Variants in NHS observed in about 807,000 individuals in gnomAD.
The protein encoded by NHS is actin remodeling regulator NHS.
In NHS, 5 loss-of-function variants were observed where a neutral mutation model predicts 72.5. That is an observed-to-expected ratio of 0.07 (90% CI 0.04 to 0.14). The LOEUF (loss-of-function observed/expected upper bound fraction) is 0.14. Among genes scored for constraint, NHS ranks in the 10% least tolerant of loss-of-function variants. NHS has a pLI of 1.00. For missense variants in NHS, 1,072 were observed against 1,355.7 expected (o/e 0.79, Z 3.29); for synonymous variants, 464 against 547.7 (o/e 0.85, Z 2.13).
chrX:17,380,715 G>A (rs1255732571), intron 1 of NHS, among the ~76,000 whole-genome samples: 1 of 111,966 alleles, frequency 8.9e-6, no homozygotes, highest in African/African-American at 3.3e-5. Flanking sequence ...GGCTGGAAGG[G>A]AATACAGTAT....
At chrX:17,546,667 C>T (rs1046522628) in intron 1 of NHS, among the ~76,000 whole-genome samples, 1 of 112,294 alleles carries the variant, frequency 8.9e-6, no homozygotes, top group Non-Finnish European at 1.9e-5. Flanking sequence ...ACACATGGCA[C>T]ACACATGCAC....
At chrX:17,411,164 A>G (rs1176860939) in intron 1 of NHS, among the ~76,000 whole-genome samples, 1 of 112,510 alleles carries the variant, frequency 8.9e-6, no homozygotes, top group African/African-American at 3.2e-5. Context: ...TAATCATTTT[A>G]ATATGCCACA....
chrX:17,682,879 G>A (rs191835821), intron 1 of NHS, among the ~76,000 whole-genome samples: 6 of 111,458 alleles, frequency 5.4e-5, no homozygotes, highest in Non-Finnish European at 1.9e-5. Context: ...TAGAGAGGCT[G>A]GGGCAAGACT....
chrX:17,429,224 ATGTGTGTGTGTGTGTGTG>A (rs10616889), intron 1 of NHS, among the ~76,000 whole-genome samples: 2 of 96,848 alleles, frequency 2.1e-5, no homozygotes, highest in East Asian at 3.4e-4. Flanking sequence ...GTACTGGGGG[ATGTGTGTGTGTGTGTGTG>A]TGTGTGTGTG....
intron 1 of NHS, among the ~76,000 whole-genome samples, chrX:17,430,849 T>C (rs929390949): frequency 8.9e-6 from 1 of 112,575 alleles, no homozygotes; most frequent in Admixed American, 9.4e-5. Context: ...TCTATGGATA[T>C]ACTACATTTT....
chrX:17,381,996 A>G (rs1357975307), intron 1 of NHS, among the ~76,000 whole-genome samples: 2 of 112,378 alleles, frequency 1.8e-5, no homozygotes, highest in African/African-American at 3.2e-5. Context: ...TTTGATTTGC[A>G]TTTCTCTAAT....
At chrX:17,676,201 G>T (rs2066079296) in intron 1 of NHS, among the ~76,000 whole-genome samples, 1 of 111,782 alleles carries the variant, frequency 8.9e-6, no homozygotes, top group Admixed American at 9.4e-5. Flanking sequence ...AGTGGTTCTT[G>T]AATAAAATGG....
At chrX:17,503,274 T>C (rs973683379) in intron 1 of NHS, among the ~76,000 whole-genome samples, 2 of 112,469 alleles carry the variant, frequency 1.8e-5, no homozygotes, top group African/African-American at 6.5e-5. Context: ...TTCATTTCAC[T>C]TTTTAAAATT....
chrX:17,548,551 C>T (rs2065306090), intron 1 of NHS, among the ~76,000 whole-genome samples: 1 of 111,294 alleles, frequency 9.0e-6, no homozygotes, highest in African/African-American at 3.3e-5. Flanking sequence ...GAAACTAGGG[C>T]CATGCATGTA....
At chrX:17,415,035 G>C (rs1052072151) in intron 1 of NHS, among the ~76,000 whole-genome samples, 33 of 111,099 alleles carry the variant, frequency 3.0e-4, no homozygotes, top group African/African-American at 1.0e-3. Context: ...GCCCTGCCCC[G>C]GGAGGTTGTG....
intron 1 of NHS, among the ~76,000 whole-genome samples, chrX:17,385,161 C>G (rs1262978845): frequency 8.9e-6 from 1 of 111,981 alleles, no homozygotes; most frequent in Non-Finnish European, 1.9e-5. Context: ...GAGATATGGT[C>G]AAGTTTTGTT....
chrX:17,473,224 A>G (rs977908849), intron 1 of NHS, among the ~76,000 whole-genome samples: 15 of 112,230 alleles, frequency 1.3e-4, no homozygotes, highest in Non-Finnish European at 2.3e-4. Context: ...GAGTGAGTGT[A>G]GTGTTCTTGA....
chrX:17,378,668 A>T (rs1436653267), intron 1 of NHS, among the ~76,000 whole-genome samples: 1 of 112,287 alleles, frequency 8.9e-6, no homozygotes, highest in Non-Finnish European at 1.9e-5. Context: ...AAGCCAGTAC[A>T]CCATGTAAGC....
intron 1 of NHS, among the ~76,000 whole-genome samples, chrX:17,555,789 C>T (rs1295284754): frequency 1.8e-5 from 2 of 111,837 alleles, no homozygotes; most frequent in Admixed American, 1.9e-4. Flanking sequence ...CCTCCACCCA[C>T]CCCCAGGAGG....
chrX:17,457,436 G>A (rs1050049444), intron 1 of NHS, among the ~76,000 whole-genome samples: 2 of 110,684 alleles, frequency 1.8e-5, no homozygotes, highest in Non-Finnish European at 3.8e-5. Flanking sequence ...GGGGGTGGAG[G>A]GAGGGGCCAG....
intron 1 of NHS, among the ~76,000 whole-genome samples, chrX:17,407,664 T>C (rs1219217890): frequency 8.9e-6 from 1 of 112,245 alleles, no homozygotes; most frequent in African/African-American, 3.2e-5. Flanking sequence ...TCAGATACTG[T>C]GTAGTGATCA....
intron 1 of NHS, among the ~76,000 whole-genome samples, chrX:17,583,337 A>T (rs2065554331): frequency 9.0e-6 from 1 of 111,508 alleles, no homozygotes; most frequent in South Asian, 3.8e-4. Flanking sequence ...CATAACAAGT[A>T]ATGCCTCCAA....
chrX:17,455,394 A>C (rs756530853), intron 1 of NHS, among the ~76,000 whole-genome samples: 3 of 111,885 alleles, frequency 2.7e-5, no homozygotes, highest in Non-Finnish European at 5.6e-5. Context: ...CACCATTATC[A>C]TGATAACATA....
At chrX:17,687,970 T>C in intron 2 of NHS, 76 bp downstream of exon 2, 3 of 1,083,526 alleles carry the variant, frequency 2.8e-6, no homozygotes, top group Non-Finnish European at 3.8e-6. Context: ...CTCTGTCCCA[T>C]CAGCCCCAAC....
Sources: gnomAD v4.1 joint callset for allele counts (sites outside exome capture counted in the v4.1 genomes callset) on GRCh38, gnomAD v4.1.1 for gene constraint, MANE v1.5 for transcripts, NCBI Gene and HGNC (gene_info 2026-07-23, HGNC 2026-07-21) for gene names.